The following TBL1XR1 variants were observed in gnomAD, a reference collection of about 807,000 sequenced individuals.
TBL1XR1 encodes the protein F-box-like/WD repeat-containing protein TBL1XR1.
In TBL1XR1, 5 loss-of-function variants were observed where a neutral mutation model predicts 66.9. The observed-to-expected ratio is 0.07, with a 90% CI of 0.04 to 0.16. TBL1XR1 has a LOEUF of 0.16. TBL1XR1 is among the 10% of genes least tolerant of loss of function. The pLI is 1.00. For missense variants in TBL1XR1, 238 were observed against 623.2 expected, an observed-to-expected ratio of 0.38 and a Z score of 6.58; for synonymous variants, 210 against 206.0, an observed-to-expected ratio of 1.02 and a Z score of -0.17.
chr3:177,053,447 T>A (rs1448299056), intron 4 of TBL1XR1, among the ~76,000 whole-genome samples: 1 of 152,188 alleles, frequency 6.6e-6, no homozygotes, highest in Non-Finnish European at 1.5e-5. Flanking sequence ...TTGGGTATAT[T>A]CAAATAACGT....
chr3:177,121,852 T>TA (rs944221704), intron 1 of TBL1XR1, among the ~76,000 whole-genome samples: 256 of 147,806 alleles, frequency 1.7e-3, no homozygotes, highest in African/African-American at 5.0e-3. Context: ...GCTAAAGATT[T>TA]AAAAAAAAAA....
intron 1 of TBL1XR1, among the ~76,000 whole-genome samples, chr3:177,128,878 T>C (rs1222921598): frequency 2.0e-5 from 3 of 152,196 alleles, no homozygotes; most frequent in Non-Finnish European, 4.4e-5. Context: ...ATCGTCTTTT[T>C]CATCACAGCC....
At chr3:177,129,547 A>T (rs2108780819) in intron 1 of TBL1XR1, among the ~76,000 whole-genome samples, 1 of 152,310 alleles carries the variant, frequency 6.6e-6, no homozygotes, top group East Asian at 1.9e-4. Flanking sequence ...ATGAATAGAT[A>T]CTTTAAGTCA....
intron 1 of TBL1XR1, among the ~76,000 whole-genome samples, chr3:177,105,298 T>C (rs1195851876): frequency 2.0e-5 from 3 of 152,136 alleles, no homozygotes; most frequent in African/African-American, 7.2e-5. Flanking sequence ...TAAAGTTTGA[T>C]AGCTGCTAAA....
At chr3:177,192,594 A>C (rs1736300543) in intron 1 of TBL1XR1, among the ~76,000 whole-genome samples, 1 of 152,164 alleles carries the variant, frequency 6.6e-6, no homozygotes, top group Admixed American at 6.5e-5. Flanking sequence ...AGTAAAAAAA[A>C]CCAAGCTAAG....
chr3:177,050,787 T>C (rs1716961007), intron 5 of TBL1XR1, among the ~76,000 whole-genome samples, 177 bp from the exon 6 acceptor site: 1 of 150,548 alleles, frequency 6.6e-6, no homozygotes, highest in African/African-American at 2.5e-5. Context: ...AATAAATTCT[T>C]ATCTTTAATT....
intron 1 of TBL1XR1, among the ~76,000 whole-genome samples, chr3:177,139,774 T>C (rs1367791039): frequency 6.6e-6 from 1 of 152,030 alleles, no homozygotes; most frequent in African/African-American, 2.4e-5. Context: ...AAGGGGCAAG[T>C]TAAACTTTCC....
chr3:177,147,720 G>A (rs1041866173), intron 1 of TBL1XR1, among the ~76,000 whole-genome samples: 1 of 152,152 alleles, frequency 6.6e-6, no homozygotes. Context: ...CTTCAGCTTA[G>A]ACATGACAAA....
intron 1 of TBL1XR1, among the ~76,000 whole-genome samples, chr3:177,142,142 A>T (rs1346433944): frequency 1.3e-5 from 2 of 152,176 alleles, no homozygotes; most frequent in Non-Finnish European, 2.9e-5. Flanking sequence ...TAGACAAGAG[A>T]CAAAATTCAG....
In TBL1XR1 at chr3:177,053,803, C is replaced by T. The variant is rs1717429644; in HGVS notation, c.174G>A (p.Gln58=). ...TAATACTAACTTCTGCTTCTACATA[C>T]TGTAGACCTTTCTGGATGATAGAAA... The part of the protein sequence containing the change: ...ALISIIQKGL[Q]YVEAEVSINE... Residue 58 remains glutamine, a synonymous_variant, in exon 4 of 16, where the codon CAG becomes CAA. Coordinates refer to ENST00000457928, the MANE Select transcript of TBL1XR1 (RefSeq NM_024665.7). 2.5e-6 allele frequency: 4 copies of T among 1,612,952 alleles called. No individual in the cohort carries two copies. Among genetic ancestry groups the T allele is most frequent in the Middle Eastern group, 1.8e-4 (1 of 5,420 alleles).
intron 2 of TBL1XR1, among the ~76,000 whole-genome samples, chr3:177,082,156 C>T (rs992704275): frequency 6.6e-5 from 10 of 151,994 alleles, no homozygotes; most frequent in African/African-American, 1.2e-4. Flanking sequence ...GCTAGAGCTA[C>T]GCACAACATA....
intron 1 of TBL1XR1, among the ~76,000 whole-genome samples, chr3:177,157,487 T>C (rs1731657798): frequency 6.6e-6 from 1 of 152,200 alleles, no homozygotes; most frequent in Non-Finnish European, 1.5e-5. Flanking sequence ...CATAAAGAAA[T>C]AGCACATTTG....
intron 3 of TBL1XR1, among the ~76,000 whole-genome samples, chr3:177,059,382 T>A (rs963155310): frequency 1.1e-4 from 17 of 152,220 alleles, no homozygotes; most frequent in Admixed American, 3.9e-4. Flanking sequence ...ATGAGCTATA[T>A]GTTACATGGT....
At chr3:177,105,199 A>C (rs1316743075) in intron 1 of TBL1XR1, among the ~76,000 whole-genome samples, 1 of 152,218 alleles carries the variant, frequency 6.6e-6, no homozygotes, top group African/African-American at 2.4e-5. Context: ...TGTAACTATA[A>C]CTGTTTTCCC....
intron 3 of TBL1XR1, among the ~76,000 whole-genome samples, chr3:177,058,947 T>A (rs183261500): frequency 6.6e-5 from 10 of 152,362 alleles, no homozygotes; most frequent in Non-Finnish European, 4.4e-5. Flanking sequence ...ATTGTAATTA[T>A]CAGCATTTAT....
Position 177,050,123 on chromosome 3 carries a change from T to A in TBL1XR1, c.576A>T (p.Thr192=). The part of the protein sequence containing the change: ...DLLASGSGDS[T]ARIWNLSENS... ...TCTCACTAAGATTCCATATTCTTGC[T>A]GTTGAGTCTCCAGACCTATAAAAGT... Residue 192 remains threonine, a synonymous_variant, in exon 7 of 16, where the codon ACA becomes ACT. Transcript: ENST00000457928. The A allele has an allele frequency of 3.7e-6, 6 of 1,613,518 alleles. No individual in the cohort carries two copies. Among genetic ancestry groups the A allele is most frequent in the Non-Finnish European group, 5.1e-6 (6 of 1,179,754 alleles).
chr3:177,029,620 C>G (rs781264450), intron 14 of TBL1XR1, among the ~76,000 whole-genome samples: 34 of 152,076 alleles, frequency 2.2e-4, no homozygotes, highest in Middle Eastern at 6.8e-3. Flanking sequence ...GACTCTATCT[C>G]AAGACAAAAC....
chr3:177,105,417 G>GAT (rs888489950), intron 1 of TBL1XR1, among the ~76,000 whole-genome samples: 2 of 151,960 alleles, frequency 1.3e-5, no homozygotes, highest in African/African-American at 4.8e-5. Context: ...ATGAAGGGGG[G>GAT]ATATCAAGCT....
intron 14 of TBL1XR1, 78 bp downstream of exon 14, chr3:177,032,893 A>G: frequency 8.3e-7 from 1 of 1,201,558 alleles, no homozygotes; most frequent in Non-Finnish European, 1.1e-6. Flanking sequence ...TGACAACCAA[A>G]TGGTGAGGCA....
Sources: gnomAD v4.1 joint callset for allele counts (sites outside exome capture counted in the v4.1 genomes callset) on GRCh38, gnomAD v4.1.1 for gene constraint, MANE v1.5 for transcripts, NCBI Gene and HGNC (gene_info 2026-07-23, HGNC 2026-07-21) for gene names.